The following SPOCK3 variants were observed in gnomAD, a reference collection of about 807,000 sequenced individuals.
The protein encoded by SPOCK3 is SPARC (osteonectin), cwcv and kazal like domains proteoglycan 3.
In SPOCK3, 30 loss-of-function variants were observed where a neutral mutation model predicts 56.6. The ratio of observed to expected loss-of-function variants is 0.53; its 90% CI spans 0.40 to 0.72. SPOCK3 has a LOEUF of 0.72. Among genes scored for constraint, SPOCK3 ranks in the 30% least tolerant of loss-of-function variants. SPOCK3 has a pLI of 0.00. For synonymous variants in SPOCK3, 196 were observed against 183.3 expected (o/e 1.07, Z -0.56); for missense variants, 527 against 530.0 (o/e 0.99, Z 0.06).
chr4:167,117,247 A>T (rs1006132002), intron 2 of SPOCK3, among the ~76,000 whole-genome samples: 3 of 152,144 alleles, frequency 2.0e-5, no homozygotes, highest in Non-Finnish European at 4.4e-5. Context: ...GAAAAGGAAC[A>T]TCAGCACAAT....
At chr4:166,778,684 T>C (rs755952625) in intron 7 of SPOCK3, among the ~76,000 whole-genome samples, 65 of 152,032 alleles carry the variant, frequency 4.3e-4, no homozygotes, top group Non-Finnish European at 8.2e-4. Flanking sequence ...TATGGTCTTA[T>C]AGAACCAGCA....
chr4:167,181,575 T>A (rs1731456278), intron 2 of SPOCK3, among the ~76,000 whole-genome samples: 1 of 152,214 alleles, frequency 6.6e-6, no homozygotes, highest in South Asian at 2.1e-4. Flanking sequence ...CCACTCTGAC[T>A]TTATCTTCTG....
rs1025242907 is a variant in SPOCK3 at position 166,840,939 on chromosome 4, C to T, written c.589+48191G>A. ...TACTATAGGTGCCCGCCACCACGCC[C>T]GGCTAATTTTTTGTATTTTTCGTAG... On this transcript the variant is annotated intron_variant, in intron 6 of 10. Transcript: ENST00000357545. Among the ~76,000 whole-genome samples the T allele has an allele frequency of 1.1e-4, 16 of 151,832 alleles. No individual in the cohort carries two copies. In the East Asian group the frequency reaches 2.1e-3, roughly 20 times the overall value.
At chr4:167,184,787 CT>C (rs1731808397) in intron 2 of SPOCK3, among the ~76,000 whole-genome samples, 1 of 152,118 alleles carries the variant, frequency 6.6e-6, no homozygotes, top group South Asian at 2.1e-4. Context: ...AAAGAATTAG[CT>C]ATCTGTAGTA....
intron 2 of SPOCK3, among the ~76,000 whole-genome samples, chr4:167,160,996 T>C (rs1442950240): frequency 6.6e-6 from 1 of 152,170 alleles, no homozygotes; most frequent in African/African-American, 2.4e-5. Flanking sequence ...AAGGACTTCA[T>C]GTCTAAAACA....
intron 3 of SPOCK3, among the ~76,000 whole-genome samples, chr4:167,025,603 G>A (rs1751625780): frequency 6.6e-6 from 1 of 151,982 alleles, no homozygotes; most frequent in African/African-American, 2.4e-5. Context: ...ATTACAGACA[G>A]CTTTAGCAAC....
chr4:167,208,547 G>A (rs1003623162), intron 2 of SPOCK3, among the ~76,000 whole-genome samples: 6 of 151,906 alleles, frequency 3.9e-5, no homozygotes, highest in African/African-American at 1.5e-4. Context: ...TGTTATCTTG[G>A]GCAAACATCT....
intron 4 of SPOCK3, among the ~76,000 whole-genome samples, chr4:166,922,942 T>C (rs758364783): frequency 5.9e-5 from 9 of 152,192 alleles, no homozygotes; most frequent in African/African-American, 1.2e-4. Context: ...GGGGGATGTG[T>C]TAGTTTCCCA....
chr4:167,034,522 T>C (rs1205512994), intron 3 of SPOCK3, among the ~76,000 whole-genome samples: 1 of 152,066 alleles, frequency 6.6e-6, no homozygotes, highest in Admixed American at 6.6e-5. Flanking sequence ...TACCACAAAA[T>C]GAAACCTACC....
chr4:167,234,144 C>A lies in SPOCK3; in HGVS notation c.30G>T (p.Val10=). ...ACTGACTGCACCAAGCGGCTGCACACACACACAGTACGGCTGACACCTTGA... is the reference window on the plus strand; with the variant it reads ...ACTGACTGCACCAAGCGGCTGCACAAACACACAGTACGGCTGACACCTTGA... MLKVSAVLC[V]CAAAWCSQSL... The change falls in exon 2 of 11, where the codon GTG becomes GTT. Residue 10 remains valine, a synonymous_variant. Transcript: ENST00000357545. 1 of 1,613,890 alleles carries A rather than the reference C, an allele frequency of 6.2e-7. No individual in the cohort carries two copies. Among genetic ancestry groups the A allele is most frequent in the Non-Finnish European group, 8.5e-7 (1 of 1,179,988 alleles).
intron 2 of SPOCK3, among the ~76,000 whole-genome samples, chr4:167,112,842 C>T (rs1472494796): frequency 2.1e-5 from 3 of 140,866 alleles, no homozygotes; most frequent in East Asian, 2.0e-4. Context: ...CAAAAGTGCT[C>T]TTTTTTAAAA....
chr4:166,795,806 ACT>A (rs960339073), intron 6 of SPOCK3, among the ~76,000 whole-genome samples: 2 of 151,932 alleles, frequency 1.3e-5, no homozygotes, highest in Non-Finnish European at 2.9e-5. Context: ...TAGGCACAAA[ACT>A]CTCTGCCTAT....
chr4:166,861,545 G>A (rs1050195451), intron 6 of SPOCK3, among the ~76,000 whole-genome samples: 7 of 152,052 alleles, frequency 4.6e-5, no homozygotes, highest in South Asian at 2.1e-4. Context: ...TGAGCAATAC[G>A]TTTGTTGAAG....
At chr4:167,047,429 T>A (rs1296512642) in intron 3 of SPOCK3, among the ~76,000 whole-genome samples, 2 of 152,198 alleles carry the variant, frequency 1.3e-5, no homozygotes, top group Admixed American at 1.3e-4. Context: ...AGTCGTAAAC[T>A]TTTGTTTCTT....
intron 7 of SPOCK3, among the ~76,000 whole-genome samples, chr4:166,780,168 G>T (rs936836988): frequency 2.0e-5 from 3 of 152,074 alleles, no homozygotes; most frequent in African/African-American, 7.2e-5. Context: ...GAGCAATACA[G>T]TAACCCAGAA....
At chr4:167,051,568 AAC>A (rs1754202410) in intron 3 of SPOCK3, among the ~76,000 whole-genome samples, 1 of 152,232 alleles carries the variant, frequency 6.6e-6, no homozygotes, top group East Asian at 1.9e-4. Flanking sequence ...GGACTAGCAA[AAC>A]ACAGAAAACC....
chr4:167,116,395 A>G (rs529909816), intron 2 of SPOCK3, among the ~76,000 whole-genome samples: 89 of 147,976 alleles, frequency 6.0e-4, no homozygotes, highest in Middle Eastern at 3.8e-3. Flanking sequence ...ATACTTTTGT[A>G]AATATATATA....
At chr4:167,042,963 G>A (rs1395497056) in intron 3 of SPOCK3, among the ~76,000 whole-genome samples, 2 of 152,018 alleles carry the variant, frequency 1.3e-5, no homozygotes, top group Non-Finnish European at 2.9e-5. Context: ...AGAGATGGTG[G>A]AATTTTGGTG....
In SPOCK3 at chr4:166,862,957, C is replaced by T. The variant is rs1345717820; in HGVS notation, c.589+26173G>A. Among the ~76,000 whole-genome samples the T allele has an allele frequency of 2.6e-5, 4 of 151,978 alleles. 1 individual carries two copies. Among genetic ancestry groups the T allele is most frequent in the South Asian group, 4.2e-4 (2 of 4,804 alleles). Reference sequence around the variant, plus strand: ...GAAGAACAACCTGTAGACACATAATCGTCAGATTCTCCAAGTTTGAAATGA... The same window carrying T: ...GAAGAACAACCTGTAGACACATAATTGTCAGATTCTCCAAGTTTGAAATGA... On this transcript the variant is annotated intron_variant, in intron 6 of 10. Transcript: ENST00000357545.
Sources: allele counts gnomAD v4.1 joint callset (sites outside exome capture counted in the v4.1 genomes callset), GRCh38; gene constraint gnomAD v4.1.1; transcripts MANE v1.5; gene names NCBI Gene and HGNC (gene_info 2026-07-23, HGNC 2026-07-21).